RPA3: variants seen among roughly 807,000 people sequenced by gnomAD.
RPA3 encodes the protein replication protein A3, also known as replication protein A 14 kDa subunit.
RPA3 carries 24 observed loss-of-function variants against 13.7 expected under a neutral mutation model. The ratio of observed to expected loss-of-function variants is 1.75; its 90% CI spans 1.27 to 2.46. RPA3 has a LOEUF of 2.46. Among genes scored for constraint, RPA3 ranks in the 30% most tolerant of loss-of-function variants. The pLI, the probability that RPA3 is intolerant of heterozygous loss-of-function variation, is 0.00. For missense variants in RPA3, 183 were observed against 151.0 expected, an observed-to-expected ratio of 1.21 and a Z score of -1.11; for synonymous variants, 59 against 51.2, an observed-to-expected ratio of 1.15 and a Z score of -0.65.
intron 4 of RPA3, among the ~76,000 whole-genome samples, chr7:7,669,243 C>G (rs544319921): frequency 6.6e-6 from 1 of 152,036 alleles, no homozygotes; most frequent in African/African-American, 2.4e-5. Flanking sequence ...AAGGAGGAAA[C>G]GATTGTATAC....
At chr7:7,670,684 C>T (rs1779584459) in intron 4 of RPA3, among the ~76,000 whole-genome samples, 1 of 152,222 alleles carries the variant, frequency 6.6e-6, no homozygotes, top group African/African-American at 2.4e-5. Context: ...AGATGTGGTA[C>T]TCTTGGTCTG....
chr7:7,705,002 G>C (rs915331987), intron 2 of RPA3, among the ~76,000 whole-genome samples: 12 of 152,112 alleles, frequency 7.9e-5, no homozygotes, highest in Admixed American at 1.3e-4. Flanking sequence ...AAGAGGAAGG[G>C]CGCTGATTGT....
intron 4 of RPA3, among the ~76,000 whole-genome samples, chr7:7,665,536 A>T (rs1779422060): frequency 6.6e-6 from 1 of 152,212 alleles, no homozygotes; most frequent in African/African-American, 2.4e-5. Flanking sequence ...CTTTATTGAG[A>T]TTGGATCAGT....
chr7:7,717,060 C>CTTTTTTTTTTTTTT lies in RPA3; in HGVS notation c.-1080+1441_-1080+1454dup, dbSNP rs766644906. On this transcript the variant is annotated intron_variant, in intron 1 of 7. Transcript: ENST00000223129. ...TTCCTTTTTCTTTCTTTCTTTTTTT[C>CTTTTTTTTTTTTTT]TTTTTTTTTTTTTTGAGACGGAGTC... Among the ~76,000 whole-genome samples the CTTTTTTTTTTTTTT allele has an allele frequency of 5.6e-5, 8 of 141,602 alleles. 1 individual carries two copies. The highest frequency in any genetic ancestry group is 2.1e-4 in the African/African-American group (8 of 37,850). The allele number at this position is 141,602 out of a possible 152,430, so 92.9% of individuals were successfully genotyped here. A position where few individuals can be genotyped will look rare whatever the true frequency, so the allele number is the denominator to read the frequency against.
At chr7:7,643,454 T>A (rs1785020752) in intron 4 of RPA3, among the ~76,000 whole-genome samples, 1 of 152,214 alleles carries the variant, frequency 6.6e-6, no homozygotes, top group African/African-American at 2.4e-5. Context: ...CTCACGCCTG[T>A]AATCCCAGCA....
intron 4 of RPA3, among the ~76,000 whole-genome samples, chr7:7,678,517 TA>T (rs2115116792): frequency 7.4e-6 from 1 of 134,612 alleles, no homozygotes; most frequent in East Asian, 2.2e-4. Flanking sequence ...TTAATATAGA[TA>T]AATATATTTA....
intron 4 of RPA3, among the ~76,000 whole-genome samples, chr7:7,671,270 A>G (rs1282878660): frequency 6.6e-6 from 1 of 152,144 alleles, no homozygotes; most frequent in Non-Finnish European, 1.5e-5. Context: ...TGTATTTCTT[A>G]TCTTTTTCAC....
intron 2 of RPA3, among the ~76,000 whole-genome samples, chr7:7,696,965 T>C (rs765599527): frequency 2.0e-5 from 3 of 152,158 alleles, no homozygotes; most frequent in Non-Finnish European, 4.4e-5. Context: ...GAACCAGCTA[T>C]GACCTAAGCT....
chr7:7,647,098 GTGTT>G (rs1423010793), intron 4 of RPA3, among the ~76,000 whole-genome samples: 2 of 152,150 alleles, frequency 1.3e-5, no homozygotes, highest in African/African-American at 4.8e-5. Context: ...TATCTATTGA[GTGTT>G]TGGTAGTGTT....
chr7:7,676,766 T>C (rs1779751568), intron 4 of RPA3, among the ~76,000 whole-genome samples: 1 of 152,166 alleles, frequency 6.6e-6, no homozygotes, highest in Non-Finnish European at 1.5e-5. Flanking sequence ...TTGGTATATA[T>C]GGTTTAATTA....
chr7:7,661,069 T>C (rs1190005998), intron 4 of RPA3, among the ~76,000 whole-genome samples: 1 of 152,168 alleles, frequency 6.6e-6, no homozygotes, highest in East Asian at 1.9e-4. Flanking sequence ...AAGTTGATCT[T>C]TAATCTCTGA....
intron 4 of RPA3, among the ~76,000 whole-genome samples, chr7:7,665,826 T>G (rs1469849770): frequency 7.0e-6 from 1 of 142,010 alleles, no homozygotes; most frequent in East Asian, 1.9e-4. Flanking sequence ...TCCATCAGCT[T>G]TTTTTTTTTT....
At chr7:7,665,377 G>A (rs975400711) in intron 4 of RPA3, among the ~76,000 whole-genome samples, 6 of 152,114 alleles carry the variant, frequency 3.9e-5, no homozygotes, top group Non-Finnish European at 8.8e-5. Context: ...AGTTTTGTGT[G>A]ATGCATGCAG....
rs28912729 is a variant in RPA3 at position 7,687,615 on chromosome 7, A to G, written c.-1027-287T>C. ...AAAAGCTGAAGTGTTTAAAGTGTGC[A>G]TTAACTAGCAGAACATTATTAAAGA... is the stretch of plus-strand genomic sequence containing the variant. On this transcript the variant is annotated intron_variant, in intron 2 of 7. Transcript: ENST00000223129. 8.1e-3 allele frequency among the ~76,000 whole-genome samples: 1,235 copies of G among 152,324 alleles called. 19 individuals carry two copies. The highest frequency in any genetic ancestry group is 0.028 in the African/African-American group (1,179 of 41,572).
At chr7:7,706,963 CT>C (rs1442028435) in intron 2 of RPA3, among the ~76,000 whole-genome samples, 3 of 152,150 alleles carry the variant, frequency 2.0e-5, no homozygotes, top group Non-Finnish European at 4.4e-5. Context: ...TAATGCCAGG[CT>C]TATATTCTTG....
chr7:7,670,885 C>T (rs926375156), intron 4 of RPA3, among the ~76,000 whole-genome samples: 5 of 152,148 alleles, frequency 3.3e-5, no homozygotes, highest in African/African-American at 1.2e-4. Flanking sequence ...ATCTTGGGCC[C>T]AAGAATGTTC....
intron 2 of RPA3, among the ~76,000 whole-genome samples, chr7:7,697,118 CTTTTT>C (rs1338674876): frequency 6.6e-6 from 1 of 152,070 alleles, no homozygotes; most frequent in Non-Finnish European, 1.5e-5. Context: ...TTTTGCTTTT[CTTTTT>C]ATTTAAAAAA....
intron 4 of RPA3, among the ~76,000 whole-genome samples, chr7:7,670,018 C>G (rs1268782457): frequency 6.6e-6 from 1 of 152,164 alleles, no homozygotes; most frequent in African/African-American, 2.4e-5. Flanking sequence ...TGCTATGTAA[C>G]AGACTGCTGC....
At chr7:7,715,686 G>A (rs1780883383) in intron 1 of RPA3, among the ~76,000 whole-genome samples, 1 of 151,996 alleles carries the variant, frequency 6.6e-6, no homozygotes, top group South Asian at 2.1e-4. Flanking sequence ...TGACCTAAAA[G>A]TCATAGTTTT....
Sources: gnomAD v4.1 joint callset for allele counts (sites outside exome capture counted in the v4.1 genomes callset) on GRCh38, gnomAD v4.1.1 for gene constraint, MANE v1.5 for transcripts, NCBI Gene and HGNC (gene_info 2026-07-23, HGNC 2026-07-21) for gene names.